The following SDK1 variants were observed in gnomAD, a reference collection of about 807,000 sequenced individuals.
SDK1 encodes protein sidekick-1.
SDK1 carries 157 observed loss-of-function variants against 245.5 expected under a neutral mutation model. The observed-to-expected ratio is 0.64, with a 90% CI of 0.56 to 0.73. SDK1 has a LOEUF of 0.73. SDK1 is among the 30% of genes least tolerant of loss of function. The pLI is 0.00. For missense variants in SDK1, 3,583 were observed against 3,002.3 expected (o/e 1.19, Z -4.52); for synonymous variants, 1,647 against 1,278.5 (o/e 1.29, Z -6.15).
At chr7:3,378,845 G>A (rs963232516) in intron 1 of SDK1, among the ~76,000 whole-genome samples, 49 of 152,102 alleles carry the variant, frequency 3.2e-4, no homozygotes, top group African/African-American at 1.0e-3. Context: ...TCTGCTCCAC[G>A]GAGTTGGTCA....
chr7:3,512,967 C>A (rs1782629295), intron 1 of SDK1, among the ~76,000 whole-genome samples: 1 of 151,990 alleles, frequency 6.6e-6, no homozygotes, highest in African/African-American at 2.4e-5. Context: ...ACAATATTGC[C>A]ATTGAGATGA....
intron 5 of SDK1, among the ~76,000 whole-genome samples, chr7:3,901,164 T>A (rs374115370): frequency 6.2e-4 from 94 of 152,242 alleles, no homozygotes; most frequent in African/African-American, 2.0e-3. Context: ...CTTTGTCAGA[T>A]TCAAGTTAAC....
intron 5 of SDK1, among the ~76,000 whole-genome samples, chr7:3,911,413 A>G (rs1779158822): frequency 6.6e-6 from 1 of 152,102 alleles, no homozygotes; most frequent in Non-Finnish European, 1.5e-5. Flanking sequence ...GAAGTCCAAG[A>G]CCAAGGCACC....
Position 3,791,164 on chromosome 7 carries a change from AC to A in SDK1, c.714-30285del, listed in dbSNP as rs200979866. ...TTACATAAGTGGTAGTTTAAAAACA[AC>A]AAAAAAAAAAACACCTGTACCATTA... is the stretch of plus-strand genomic sequence containing the variant. On this transcript the variant is annotated intron_variant, in intron 4 of 44. Transcript: ENST00000404826. 5.6e-3 allele frequency among the ~76,000 whole-genome samples: 849 copies of A among 151,784 alleles called. 9 individuals carry two copies. Among genetic ancestry groups the A allele is most frequent in the African/African-American group, 0.02 (816 of 41,370 alleles).
intron 22 of SDK1, among the ~76,000 whole-genome samples, chr7:4,087,993 G>A (rs1037258109): frequency 1.3e-5 from 2 of 152,168 alleles, no homozygotes; most frequent in Non-Finnish European, 2.9e-5. Flanking sequence ...TGTGTTCTAA[G>A]TGCTTTCACA....
intron 13 of SDK1, among the ~76,000 whole-genome samples, chr7:3,984,919 T>A (rs1386950635): frequency 6.6e-6 from 1 of 152,230 alleles, no homozygotes; most frequent in Non-Finnish European, 1.5e-5. Context: ...CCCTCAACCC[T>A]GTCTGGCCTC....
intron 1 of SDK1, among the ~76,000 whole-genome samples, chr7:3,591,675 T>C (rs1472503960): frequency 6.6e-6 from 1 of 152,254 alleles, no homozygotes; most frequent in South Asian, 2.1e-4. Context: ...TAATGATCAC[T>C]GTGGGCCCAT....
intron 5 of SDK1, among the ~76,000 whole-genome samples, chr7:3,884,498 A>C (rs1396555421): frequency 6.6e-6 from 1 of 152,198 alleles, no homozygotes; most frequent in Non-Finnish European, 1.5e-5. Context: ...CAGTGAGAGC[A>C]GTTAGCGCCG....
chr7:4,059,125 A>C (rs534857241), intron 19 of SDK1, among the ~76,000 whole-genome samples: 53 of 152,154 alleles, frequency 3.5e-4, no homozygotes, highest in Non-Finnish European at 6.0e-4. Flanking sequence ...AGTATCCAAA[A>C]GGATAGACTG....
chr7:3,586,042 G>A (rs1296802741), intron 1 of SDK1, among the ~76,000 whole-genome samples: 2 of 152,150 alleles, frequency 1.3e-5, no homozygotes, highest in African/African-American at 4.8e-5. Flanking sequence ...ACATTGCTGT[G>A]CTAAGTAAAG....
intron 19 of SDK1, among the ~76,000 whole-genome samples, chr7:4,062,596 A>C (rs1349237772): frequency 6.6e-6 from 1 of 152,240 alleles, no homozygotes; most frequent in East Asian, 1.9e-4. Context: ...AATTCTTTCT[A>C]ACTCATTTTA....
At chr7:3,984,450 T>C (rs1444098562) in intron 13 of SDK1, among the ~76,000 whole-genome samples, 4 of 152,198 alleles carry the variant, frequency 2.6e-5, no homozygotes, top group Non-Finnish European at 5.9e-5. Flanking sequence ...AGACAGACTT[T>C]TAGAATTTAG....
At chr7:4,210,765 C>T (rs1784470616) in intron 38 of SDK1, among the ~76,000 whole-genome samples, 1 of 152,198 alleles carries the variant, frequency 6.6e-6, no homozygotes. Context: ...TTATCAGGTC[C>T]CTGGCTTTCC....
At chr7:3,656,809 G>A (rs1004256155) in intron 4 of SDK1, among the ~76,000 whole-genome samples, 4 of 150,670 alleles carry the variant, frequency 2.7e-5, no homozygotes, top group South Asian at 4.2e-4. Context: ...CTGCAGTGGC[G>A]CAATCTCGGC....
chr7:4,209,568 G>T (rs1784408259), intron 37 of SDK1, among the ~76,000 whole-genome samples: 2 of 152,184 alleles, frequency 1.3e-5, no homozygotes, highest in African/African-American at 2.4e-5. Flanking sequence ...ACGTGCAGGA[G>T]CCAGGGGTGT....
chr7:3,729,711 A>G (rs905403297), intron 4 of SDK1, among the ~76,000 whole-genome samples: 1 of 152,174 alleles, frequency 6.6e-6, no homozygotes, highest in Non-Finnish European at 1.5e-5. Flanking sequence ...CAGCTTCACA[A>G]TGAGTCTAAC....
chr7:4,005,585 C>G (rs1044831605), intron 14 of SDK1, among the ~76,000 whole-genome samples: 3 of 152,060 alleles, frequency 2.0e-5, no homozygotes, highest in Admixed American at 6.6e-5. Context: ...TTAAACTTCC[C>G]TGAGTCTTGG....
chr7:3,960,158 A>G (rs1321452072), intron 8 of SDK1, among the ~76,000 whole-genome samples: 8 of 152,216 alleles, frequency 5.3e-5, no homozygotes, highest in Non-Finnish European at 1.2e-4. Flanking sequence ...TCACTGTACC[A>G]CAGGAAAACC....
chr7:3,604,229 T>C (rs1202466945), intron 1 of SDK1, among the ~76,000 whole-genome samples: 1 of 152,230 alleles, frequency 6.6e-6, no homozygotes, highest in African/African-American at 2.4e-5. Context: ...CTTCTTTTTC[T>C]ATTGATTGGA....
Sources: allele counts gnomAD v4.1 joint callset (sites outside exome capture counted in the v4.1 genomes callset), GRCh38; gene constraint gnomAD v4.1.1; transcripts MANE v1.5; gene names NCBI Gene and HGNC (gene_info 2026-07-23, HGNC 2026-07-21).